The following RP1 variants were observed in gnomAD, a reference collection of about 807,000 sequenced individuals.
The protein encoded by RP1 is oxygen-regulated protein 1.
In RP1, 16 loss-of-function variants were observed where a neutral mutation model predicts 14.8. The ratio of observed to expected loss-of-function variants is 1.08; its 90% CI spans 0.73 to 1.65. RP1 has a LOEUF of 1.65. RP1 is among the 40% of genes most tolerant of loss of function. RP1 has a pLI of 0.00. For missense variants in RP1, 2,631 were observed against 2,535.0 expected (o/e 1.04, Z -0.81); for synonymous variants, 876 against 883.6 (o/e 0.99, Z 0.15).
intron 3 of RP1, among the ~76,000 whole-genome samples, chr8:54,644,661 A>T (rs927115251): frequency 6.6e-6 from 1 of 152,184 alleles, no homozygotes; most frequent in Non-Finnish European, 1.5e-5. Context: ...GGTATTTGTT[A>T]CAGCAGCACC....
At chr8:54,662,834 C>T (rs1477427498) in intron 6 of RP1, among the ~76,000 whole-genome samples, 1 of 152,142 alleles carries the variant, frequency 6.6e-6, no homozygotes, top group Non-Finnish European at 1.5e-5. Context: ...CTTCATATAG[C>T]TGTTCTATGC....
chr8:54,784,723 C>T (rs754895188), intron 24 of RP1, among the ~76,000 whole-genome samples: 8 of 152,016 alleles, frequency 5.3e-5, no homozygotes, highest in Non-Finnish European at 8.8e-5. Context: ...TATGACATCC[C>T]AAATCATGTT....
chr8:54,784,635 A>G (rs961726687), intron 24 of RP1, among the ~76,000 whole-genome samples: 7 of 152,158 alleles, frequency 4.6e-5, no homozygotes, highest in Non-Finnish European at 8.8e-5. Flanking sequence ...ACTATGGTGT[A>G]AAAGTATCTG....
At chr8:54,755,680 G>A (rs1563367128) in exon 21 of RP1, 2 of 1,535,990 alleles carry the variant, frequency 1.3e-6, no homozygotes, top group South Asian at 1.2e-5. Flanking sequence ...CGGAGTCTGA[G>A]GTTTTCCTCT....
rs558875811 is a variant in RP1, at chr8:54,839,295, C to A, written c.3835+1626C>A. On this transcript the variant is annotated intron_variant, in intron 25 of 28. Coordinates refer to the RP1 transcript ENST00000637698. Reference sequence around the variant, plus strand: ...CTGTCTTCTTTCCTGCCTAGAGCCCCAGTGCTCCATTAGGTGTTTACCATC... The same window carrying A: ...CTGTCTTCTTTCCTGCCTAGAGCCCAAGTGCTCCATTAGGTGTTTACCATC... Among the ~76,000 whole-genome samples the A allele has an allele frequency of 7.2e-5, 11 of 152,274 alleles. No homozygotes were observed. The East Asian group carries it at 2.1e-3, about 29-fold the overall frequency.
chr8:54,840,708 G>T (rs1032633128), intron 25 of RP1, among the ~76,000 whole-genome samples: 5 of 151,096 alleles, frequency 3.3e-5, no homozygotes, highest in East Asian at 1.9e-4. Context: ...AACTTGAGCA[G>T]CAATAAAGGC....
At chr8:54,640,078 A>T (rs1585576126) in intron 3 of RP1, among the ~76,000 whole-genome samples, 1 of 148,970 alleles carries the variant, frequency 6.7e-6, no homozygotes, top group Non-Finnish European at 1.5e-5. Context: ...CATCATTTTA[A>T]TTCTTACTTT....
chr8:54,752,081 T>C (rs1420314538), intron 19 of RP1, among the ~76,000 whole-genome samples: 2 of 152,190 alleles, frequency 1.3e-5, no homozygotes, highest in African/African-American at 4.8e-5. Flanking sequence ...TCGCTTAACA[T>C]TGTCTTAGGT....
intron 24 of RP1, among the ~76,000 whole-genome samples, chr8:54,807,773 C>G (rs1810894312): frequency 6.6e-6 from 1 of 152,090 alleles, no homozygotes; most frequent in Non-Finnish European, 1.5e-5. Flanking sequence ...GATTCAAATA[C>G]TGCAGTGTGG....
At position 54,828,709 on chromosome 8, in the gene RP1, A is replaced by G. The variant is rs112561609; in HGVS notation, c.3616-8741A>G. ...TACTGTACATAATTGTATGTGCTAT[A>G]CTTTTATATGACTTGCAGTGCAGTA... On this transcript the variant is annotated intron_variant, in intron 24 of 28. Transcript: ENST00000637698. Among the ~76,000 whole-genome samples, 832 of 152,110 alleles carry G rather than the reference A, an allele frequency of 5.5e-3. 9 individuals carry two copies. Among genetic ancestry groups the G allele is most frequent in the African/African-American group, 0.019 (787 of 41,508 alleles).
chr8:54,707,740 T>A lies in RP1; in HGVS notation c.2211+1085T>A, dbSNP rs1808185591. On this transcript the variant is annotated intron_variant, in intron 15 of 22. Transcript: ENST00000636932. The stretch of plus-strand genomic sequence containing the variant: ...TCATGGTTCCCAGGGTCCCTGTCGG[T>A]GCTGCAGACTGGTGAGTTTGTGTCA... Among the ~76,000 whole-genome samples, 4 of 152,230 alleles carry A rather than the reference T, an allele frequency of 2.6e-5. No individual in the cohort carries two copies. The South Asian group carries it at 8.3e-4, about 31-fold the overall frequency.
rs1392379151 is a variant in RP1 at position 54,688,215 on chromosome 8, T to C, written c.1717+8282T>C. On this transcript the variant is annotated intron_variant, in intron 12 of 22. Coordinates refer to the RP1 transcript ENST00000636932. Reference sequence around the variant, plus strand: ...TCTTTGTAGATTCTGGATATTAGACTTTTGTTAGATGGGTAGATTGCAAAA... The same window carrying C: ...TCTTTGTAGATTCTGGATATTAGACCTTTGTTAGATGGGTAGATTGCAAAA... 3.3e-5 allele frequency among the ~76,000 whole-genome samples: 5 copies of C among 152,218 alleles called. No homozygotes were observed. In the East Asian group the frequency reaches 9.7e-4, roughly 29 times the overall value.
intron 6 of RP1, among the ~76,000 whole-genome samples, chr8:54,658,818 C>A (rs1477858361): frequency 1.3e-5 from 2 of 151,314 alleles, no homozygotes; most frequent in African/African-American, 4.9e-5. Context: ...TTACCTTTTT[C>A]CATAGTAGTT....
chr8:54,801,300 C>T (rs1810700179), intron 24 of RP1, among the ~76,000 whole-genome samples: 1 of 152,148 alleles, frequency 6.6e-6, no homozygotes, highest in African/African-American at 2.4e-5. Context: ...GAGGGTGGGG[C>T]AGTTGTACGT....
At chr8:54,617,940 G>C (rs1350813639) in intron 1 of RP1, among the ~76,000 whole-genome samples, 1 of 152,102 alleles carries the variant, frequency 6.6e-6, no homozygotes, top group African/African-American at 2.4e-5. Flanking sequence ...ATCATGTTCT[G>C]GGTTTTACAC....
intron 24 of RP1, among the ~76,000 whole-genome samples, chr8:54,809,000 G>A (rs1010410909): frequency 6.6e-6 from 1 of 152,202 alleles, no homozygotes; most frequent in African/African-American, 2.4e-5. Context: ...TACCAATGAA[G>A]CTAAAAGCTC....
chr8:54,672,315 C>T (rs1451291862), intron 7 of RP1, among the ~76,000 whole-genome samples: 1 of 152,134 alleles, frequency 6.6e-6, no homozygotes, highest in Non-Finnish European at 1.5e-5. Flanking sequence ...TCCACTCTTT[C>T]GTTTCTGTCC....
chr8:54,670,506 C>T (rs861434), intron 7 of RP1, among the ~76,000 whole-genome samples: 8,749 of 38,300 alleles, frequency 0.23, 1,560 homozygotes, highest in Non-Finnish European at 0.34. Flanking sequence ...TATATATATA[C>T]ACATATATAT....
At chr8:54,789,651 G>T (rs891677887) in intron 24 of RP1, among the ~76,000 whole-genome samples, 4 of 152,154 alleles carry the variant, frequency 2.6e-5, no homozygotes, top group East Asian at 1.9e-4. Context: ...CCAGCCTATG[G>T]TCTTGCTAAA....
Sources: gnomAD v4.1 joint callset for allele counts (sites outside exome capture counted in the v4.1 genomes callset) on GRCh38, gnomAD v4.1.1 for gene constraint, MANE v1.5 for transcripts, NCBI Gene and HGNC (gene_info 2026-07-23, HGNC 2026-07-21) for gene names.